MIB1: variants seen among roughly 807,000 people sequenced by gnomAD.
MIB1 encodes the protein MIB E3 ubiquitin protein ligase 1.
A neutral mutation model predicts 124.5 loss-of-function variants in MIB1; 278 were observed. That is an observed-to-expected ratio of 2.23 (90% CI 2.02 to 2.47). The LOEUF (loss-of-function observed/expected upper bound fraction) is 2.47, where lower values mean the gene tolerates loss of function less well. MIB1 is among the 30% of genes most tolerant of loss of function. MIB1 has a pLI of 0.00. For synonymous variants in MIB1, 446 were observed against 429.4 expected (o/e 1.04, Z -0.48); for missense variants, 957 against 1,254.4 (o/e 0.76, Z 3.58).
chr18:21,826,026 T>C (rs139563822), intron 12 of MIB1: 16 of 235,988 alleles, frequency 6.8e-5, no homozygotes, highest in Non-Finnish European at 9.4e-5. Flanking sequence ...TCAACATCTT[T>C]GCTTCTTTTT....
At chr18:21,728,536 A>G (rs572576503) in intron 1 of MIB1, among the ~76,000 whole-genome samples, 104 of 152,258 alleles carry the variant, frequency 6.8e-4, no homozygotes, top group African/African-American at 2.5e-3. Flanking sequence ...GTCTTCCTGT[A>G]GTTACTGGTC....
intron 6 of MIB1, 145 bp downstream of exon 6, chr18:21,779,830 T>G: frequency 1.5e-6 from 1 of 658,208 alleles, no homozygotes; most frequent in Admixed American, 2.6e-5. Context: ...TATATATTGG[T>G]AAGGTGGAGA....
chr18:21,843,791 G>C (rs1248838301), intron 14 of MIB1, among the ~76,000 whole-genome samples: 1 of 152,172 alleles, frequency 6.6e-6, no homozygotes, highest in Non-Finnish European at 1.5e-5. Context: ...AAGTTGAAAA[G>C]AGAAATAAAG....
intron 6 of MIB1, among the ~76,000 whole-genome samples, chr18:21,784,357 T>C (rs2041408884): frequency 6.6e-6 from 1 of 152,162 alleles, no homozygotes; most frequent in Non-Finnish European, 1.5e-5. Context: ...CTGTGTTGCT[T>C]ATTTTCAGTT....
chr18:21,705,996 T>C (rs973662240), intron 1 of MIB1, among the ~76,000 whole-genome samples: 7 of 152,222 alleles, frequency 4.6e-5, no homozygotes, highest in Non-Finnish European at 7.3e-5. Context: ...TGAAACTTCA[T>C]AGCATTCTTC....
rs2040677724 is a variant in MIB1 at position 21,714,029 on chromosome 18, C to T, written n.167+8906C>T. ...GGCTTGTTTGCAGCTGTGGCCTTGC[C>T]CAGTGTAACAAGATGTTAAGTAGTG... On this transcript the variant is annotated intron_variant and non_coding_transcript_variant, in intron 1 of 20. Transcript: ENST00000578646. 2.0e-5 allele frequency among the ~76,000 whole-genome samples: 3 copies of T among 152,102 alleles called. No individual in the cohort carries two copies. The South Asian group carries it at 6.2e-4, about 32-fold the overall frequency.
At chr18:21,751,320 A>G (rs1210052633) in intron 1 of MIB1, among the ~76,000 whole-genome samples, 3 of 152,180 alleles carry the variant, frequency 2.0e-5, no homozygotes, top group Non-Finnish European at 2.9e-5. Flanking sequence ...TCTGTTGCCC[A>G]GGCTGGGGTG....
At chr18:21,729,724 A>C (rs113065032) in intron 1 of MIB1, among the ~76,000 whole-genome samples, 83 of 152,252 alleles carry the variant, frequency 5.5e-4, no homozygotes, top group African/African-American at 1.8e-3. Flanking sequence ...TCCTGGCCTC[A>C]AGTGATCCGC....
intron 12 of MIB1, chr18:21,826,376 G>A (rs1244232479): frequency 6.6e-6 from 1 of 152,092 alleles, no homozygotes; most frequent in African/African-American, 2.4e-5. Context: ...TCAGTGTATT[G>A]CTTGGACTTG....
upstream of MIB1, among the ~76,000 whole-genome samples, chr18:21,739,935 C>CA (rs113489981): frequency 2.7e-4 from 41 of 149,424 alleles, no homozygotes; most frequent in African/African-American, 9.5e-4. Context: ...AAAAAAAAAA[C>CA]AACAACAAAA....
At chr18:21,770,049 C>CA (rs1358317522) in intron 3 of MIB1, among the ~76,000 whole-genome samples, 3 of 151,624 alleles carry the variant, frequency 2.0e-5, no homozygotes, top group Non-Finnish European at 4.4e-5. Context: ...ACTAAAAATA[C>CA]AAAAATTAGC....
chr18:21,706,596 G>T (rs924992850), intron 1 of MIB1, among the ~76,000 whole-genome samples: 1 of 152,064 alleles, frequency 6.6e-6, no homozygotes, highest in Admixed American at 6.5e-5. Context: ...TGGGCTCGGC[G>T]GGCCCTGCAC....
At chr18:21,732,082 T>TG (rs2040773712) in intron 1 of MIB1, among the ~76,000 whole-genome samples, 1 of 151,766 alleles carries the variant, frequency 6.6e-6, no homozygotes. Context: ...TCACAGCACT[T>TG]TGGGAGGCTA....
chr18:21,794,080 C>G (rs938535490), intron 7 of MIB1: 1 of 152,034 alleles, frequency 6.6e-6, no homozygotes, highest in African/African-American at 2.4e-5. Flanking sequence ...GGTCAAAACT[C>G]TCGTGCTGAT....
intron 17 of MIB1, among the ~76,000 whole-genome samples, chr18:21,852,097 G>T (rs1293086438): frequency 6.6e-6 from 1 of 152,168 alleles, no homozygotes; most frequent in East Asian, 1.9e-4. Context: ...TTATCACTCT[G>T]TGAAGGATTA....
chr18:21,725,654 C>T (rs1368819018), intron 1 of MIB1, among the ~76,000 whole-genome samples: 1 of 152,074 alleles, frequency 6.6e-6, no homozygotes, highest in African/African-American at 2.4e-5. Context: ...TATAACCTAA[C>T]TGGACAAACA....
intron 12 of MIB1, chr18:21,829,266 G>A: frequency 3.1e-6 from 1 of 320,428 alleles, no homozygotes; most frequent in Non-Finnish European, 6.0e-6. Flanking sequence ...TATTCTTGGT[G>A]GACATAGACA....
intron 1 of MIB1, among the ~76,000 whole-genome samples, chr18:21,724,727 A>AAATAT (rs1350936232): frequency 4.6e-4 from 8 of 17,376 alleles, no homozygotes; most frequent in South Asian, 2.9e-3. Context: ...AAAAAAAAAA[A>AAATAT]ATATATATAT....
rs576114981 is a variant in MIB1 at position 21,869,158 on chromosome 18, T to C, written c.*4492T>C. The C allele has an allele frequency of 2.0e-5, 3 of 152,586 alleles. No homozygotes were observed. The South Asian group carries it at 6.2e-4, about 32-fold the overall frequency. The allele number at this position is 152,586 out of a possible 1,614,324, so 9.5% of individuals were successfully genotyped here. Reference sequence around the variant, plus strand: ...TGCCTAAATCTGTAACTACAAGTTGTGATCGACATGTACAAAATGTCTAAG... The same window carrying C: ...TGCCTAAATCTGTAACTACAAGTTGCGATCGACATGTACAAAATGTCTAAG... On this transcript the variant is annotated 3_prime_UTR_variant, in exon 21 of 21. Coordinates refer to ENST00000261537, the MANE Select transcript of MIB1 (RefSeq NM_020774.4).
Sources: gnomAD v4.1 joint callset for allele counts (sites outside exome capture counted in the v4.1 genomes callset) on GRCh38, gnomAD v4.1.1 for gene constraint, MANE v1.5 for transcripts, NCBI Gene and HGNC (gene_info 2026-07-23, HGNC 2026-07-21) for gene names.